The following PIK3AP1 variants were observed in gnomAD, a reference collection of about 807,000 sequenced individuals.
PIK3AP1 encodes phosphoinositide 3-kinase adapter protein 1.
Under a neutral mutation model 88.1 loss-of-function variants are expected in PIK3AP1, and 21 were observed. That is an observed-to-expected ratio of 0.24 (90% CI 0.17 to 0.34). PIK3AP1 has a LOEUF of 0.34. Ranked by LOEUF, PIK3AP1 falls within the 10% of genes least tolerant of loss-of-function variation. PIK3AP1 has a pLI of 1.00. For synonymous variants in PIK3AP1, 398 were observed against 400.0 expected (o/e 1.00, Z 0.06); for missense variants, 828 against 1,035.7 (o/e 0.80, Z 2.75).
chr10:96,684,415 C>A (rs980453727), intron 2 of PIK3AP1, among the ~76,000 whole-genome samples: 37 of 152,204 alleles, frequency 2.4e-4, no homozygotes, highest in African/African-American at 8.2e-4. Flanking sequence ...TTCCCCTGAG[C>A]GAGGCTTGTG....
intron 2 of PIK3AP1, among the ~76,000 whole-genome samples, chr10:96,678,981 A>G (rs1040716584): frequency 6.6e-6 from 1 of 152,166 alleles, no homozygotes; most frequent in African/African-American, 2.4e-5. Flanking sequence ...ACATTCAACT[A>G]ATAAAAGCTT....
chr10:96,597,367 TCTC>T (rs1564948158), intron 16 of PIK3AP1, among the ~76,000 whole-genome samples: 4 of 119,686 alleles, frequency 3.3e-5, no homozygotes, highest in South Asian at 5.9e-4. Context: ...TCTCTCTCTC[TCTC>T]TCTCTCTTTC....
At chr10:96,682,052 C>T (rs577709630) in intron 2 of PIK3AP1, among the ~76,000 whole-genome samples, 18 of 151,616 alleles carry the variant, frequency 1.2e-4, no homozygotes, top group African/African-American at 3.2e-4. Flanking sequence ...GGGGGGGATG[C>T]ACTATTAGAG....
chr10:96,670,584 C>A (rs982754172), intron 2 of PIK3AP1, among the ~76,000 whole-genome samples: 1 of 152,084 alleles, frequency 6.6e-6, no homozygotes, highest in African/African-American at 2.4e-5. Context: ...CAAGAAACAC[C>A]TTCTATATGG....
chr10:96,638,471 GACACACAC>G (rs60796576), intron 8 of PIK3AP1, among the ~76,000 whole-genome samples: 39,632 of 148,168 alleles, frequency 0.27, 5,504 homozygotes, highest in East Asian at 0.42. Context: ...CACACACACA[GACACACAC>G]ACACACACAC....
intron 1 of PIK3AP1, among the ~76,000 whole-genome samples, chr10:96,711,219 G>T (rs1221738840): frequency 6.6e-6 from 1 of 152,202 alleles, no homozygotes; most frequent in South Asian, 2.1e-4. Flanking sequence ...TGACACTCAG[G>T]TTATTCCCTG....
rs142658198 is a variant in PIK3AP1, at chr10:96,674,186, C to T, written c.431-17252G>A. Among the ~76,000 whole-genome samples, 5 of 152,242 alleles carry T rather than the reference C, an allele frequency of 3.3e-5. No homozygotes were observed. In the East Asian group the frequency reaches 7.7e-4, roughly 23 times the overall value. ...CCAGGAGTTGCTGGCCTTAGTGGTC[C>T]AATATTAAAATCAGGGCTATTAAGG... On this transcript the variant is annotated intron_variant, in intron 2 of 16. Coordinates refer to ENST00000339364, the MANE Select transcript of PIK3AP1 (RefSeq NM_152309.3).
At chr10:96,694,277 C>T (rs959476654) in intron 2 of PIK3AP1, among the ~76,000 whole-genome samples, 5 of 152,054 alleles carry the variant, frequency 3.3e-5, no homozygotes, top group Non-Finnish European at 7.4e-5. Flanking sequence ...ATCAAGTCTC[C>T]CCTGGATCTT....
At chr10:96,686,165 A>G (rs1379671429) in intron 2 of PIK3AP1, among the ~76,000 whole-genome samples, 1 of 152,204 alleles carries the variant, frequency 6.6e-6, no homozygotes, top group Non-Finnish European at 1.5e-5. Flanking sequence ...TTTTTGTCAG[A>G]TAATGACTAT....
chr10:96,598,440 C>T (rs1300388209), intron 16 of PIK3AP1, among the ~76,000 whole-genome samples: 1 of 151,968 alleles, frequency 6.6e-6, no homozygotes, highest in Non-Finnish European at 1.5e-5. Context: ...TTTAAGAGCT[C>T]CGGAAGTCCA....
At chr10:96,603,211 A>G (rs1200714294) in intron 15 of PIK3AP1, among the ~76,000 whole-genome samples, 1 of 152,206 alleles carries the variant, frequency 6.6e-6, no homozygotes, top group African/African-American at 2.4e-5. Context: ...AAAGTGGACA[A>G]TTCAGTGGCA....
chr10:96,714,142 C>T (rs2134295604), intron 1 of PIK3AP1, among the ~76,000 whole-genome samples: 1 of 152,034 alleles, frequency 6.6e-6, no homozygotes, highest in Middle Eastern at 3.4e-3. Flanking sequence ...CCATTGCACT[C>T]CAGCCTGGGT....
Position 96,678,434 on chromosome 10 carries a change from CA to C in PIK3AP1, c.431-21501del, listed in dbSNP as rs1230224080. Reference sequence around the variant, plus strand: ...TGGGTGACAGAGTGAGATCCTGTCTCAAAAAAAATTTTTTTTGTAAAGGCAG... The same window carrying C: ...TGGGTGACAGAGTGAGATCCTGTCTCAAAAAAATTTTTTTTGTAAAGGCAG... On this transcript the variant is annotated intron_variant, in intron 2 of 16. Coordinates refer to ENST00000339364, the MANE Select transcript of PIK3AP1 (RefSeq NM_152309.3). Among the ~76,000 whole-genome samples the C allele has an allele frequency of 2.0e-5, 3 of 149,854 alleles. No homozygotes were observed. In the South Asian group the frequency reaches 6.7e-4, roughly 34 times the overall value.
chr10:96,645,251 A>T (rs1302192329), intron 8 of PIK3AP1, among the ~76,000 whole-genome samples: 3 of 152,126 alleles, frequency 2.0e-5, no homozygotes, highest in African/African-American at 7.2e-5. Flanking sequence ...ACTTCCAGAT[A>T]TTTGCTTAAA....
intron 6 of PIK3AP1, among the ~76,000 whole-genome samples, chr10:96,650,569 C>T (rs138170712): frequency 6.1e-4 from 93 of 152,344 alleles, no homozygotes; most frequent in African/African-American, 2.1e-3. Flanking sequence ...AGAAGACAGA[C>T]ACAGCTGAGG....
chr10:96,709,533 C>A (rs1223831840), intron 2 of PIK3AP1, 34 bp downstream of exon 2: 1 of 1,563,360 alleles, frequency 6.4e-7, no homozygotes, highest in Non-Finnish European at 8.7e-7. Context: ...AGCAACTTTT[C>A]TAGGGCTTGC....
intron 16 of PIK3AP1, 151 bp from the exon 17 acceptor site, chr10:96,595,785 A>T (rs1042186468): frequency 1.3e-6 from 1 of 748,566 alleles, no homozygotes; most frequent in Admixed American, 2.5e-5. Flanking sequence ...AGTGACACGC[A>T]TGCTAGCTGT....
intron 6 of PIK3AP1, among the ~76,000 whole-genome samples, chr10:96,649,896 C>G (rs943137439): frequency 1.8e-4 from 28 of 152,324 alleles, no homozygotes; most frequent in African/African-American, 6.0e-4. Context: ...TAAACTCAAC[C>G]AAGAAAATGG....
At chr10:96,698,072 C>G (rs1265220242) in intron 2 of PIK3AP1, among the ~76,000 whole-genome samples, 1 of 152,206 alleles carries the variant, frequency 6.6e-6, no homozygotes, top group Non-Finnish European at 1.5e-5. Context: ...ATCTATTTAA[C>G]TGGGCCCAAG....
Sources: allele counts gnomAD v4.1 joint callset (sites outside exome capture counted in the v4.1 genomes callset), GRCh38; gene constraint gnomAD v4.1.1; transcripts MANE v1.5; gene names NCBI Gene and HGNC (gene_info 2026-07-23, HGNC 2026-07-21).